Variants in SLC1A6 observed in about 807,000 individuals in gnomAD.
SLC1A6 encodes the protein excitatory amino acid transporter 4.
In SLC1A6, 15 loss-of-function variants were observed where a neutral mutation model predicts 42.1. That is an observed-to-expected ratio of 0.36 (90% CI 0.24 to 0.55). SLC1A6 has a LOEUF of 0.55. Among genes scored for constraint, SLC1A6 ranks in the 20% least tolerant of loss-of-function variants. The probability of loss-of-function intolerance (pLI) is 0.88; values close to 1 mark genes in which losing one functional copy is unlikely to be tolerated. For synonymous variants in SLC1A6, 317 were observed against 319.7 expected (o/e 0.99, Z 0.09); for missense variants, 542 against 772.5 (o/e 0.70, Z 3.54).
At chr19:14,964,240 G>T in intron 5 of SLC1A6, 79 bp downstream of exon 5, 1 of 1,210,442 alleles carries the variant, frequency 8.3e-7, no homozygotes, top group Non-Finnish European at 1.2e-6. Flanking sequence ...CCCGCCTCTT[G>T]CCCTTGGACC....
intron 1 of SLC1A6, among the ~76,000 whole-genome samples, chr19:14,998,485 G>A (rs993582695): frequency 5.3e-5 from 8 of 152,082 alleles, no homozygotes; most frequent in African/African-American, 7.2e-5. Flanking sequence ...AGGTTGCAGC[G>A]AGCCAAGATC....
intron 3 of SLC1A6, among the ~76,000 whole-genome samples, chr19:14,969,886 C>T (rs2045618021): frequency 6.6e-6 from 1 of 152,142 alleles, no homozygotes; most frequent in African/African-American, 2.4e-5. Flanking sequence ...ACAATTGACC[C>T]TTGAACAGCA....
At chr19:14,990,524 C>G (rs2045814286) in intron 1 of SLC1A6, among the ~76,000 whole-genome samples, 1 of 152,136 alleles carries the variant, frequency 6.6e-6, no homozygotes, top group African/African-American at 2.4e-5. Flanking sequence ...AGTCCCAGCA[C>G]TTTGGGAAGC....
chr19:14,987,755 C>T (rs1286016674), intron 1 of SLC1A6, among the ~76,000 whole-genome samples: 1 of 152,180 alleles, frequency 6.6e-6, no homozygotes, highest in Non-Finnish European at 1.5e-5. Flanking sequence ...GTATGTTCCA[C>T]AGCAGCTCAG....
At chr19:14,991,892 C>G in intron 1 of SLC1A6, among the ~76,000 whole-genome samples, 1 of 149,514 alleles carries the variant, frequency 6.7e-6, no homozygotes, top group African/African-American at 2.5e-5. Flanking sequence ...GTGGCGTGAT[C>G]TTGGCTCACT....
intron 1 of SLC1A6, among the ~76,000 whole-genome samples, chr19:14,989,265 A>T (rs34962409): frequency 0.66 from 99,957 of 150,778 alleles, 33,716 homozygotes; most frequent in African/African-American, 0.79. Context: ...AATCTATTTT[A>T]AAAAAAATTT....
At chr19:14,999,357 T>C (rs2045862568) in intron 1 of SLC1A6, among the ~76,000 whole-genome samples, 1 of 152,192 alleles carries the variant, frequency 6.6e-6, no homozygotes, top group Admixed American at 6.6e-5. Flanking sequence ...AATCCACCTA[T>C]GACCTGGAAG....
intron 6 of SLC1A6, among the ~76,000 whole-genome samples, chr19:14,957,392 A>G (rs1900684891): frequency 6.6e-6 from 1 of 152,016 alleles, no homozygotes; most frequent in African/African-American, 2.4e-5. Flanking sequence ...CTAACCCCCA[A>G]TGGGATAGTA....
At chr19:15,005,524 A>G (rs2045892228) in intron 1 of SLC1A6, among the ~76,000 whole-genome samples, 1 of 152,150 alleles carries the variant, frequency 6.6e-6, no homozygotes. Flanking sequence ...AAACAAAAAA[A>G]CAAAAAAACC....
chr19:14,957,605 T>A (rs112420713), intron 6 of SLC1A6, among the ~76,000 whole-genome samples: 6,300 of 152,268 alleles, frequency 0.041, 278 homozygotes, highest in African/African-American at 0.099. Context: ...TCCAGAGCTG[T>A]GCGAAATACA....
At chr19:14,956,819 AC>A in intron 6 of SLC1A6, 110 bp from the exon 7 acceptor site, 1 of 658,778 alleles carries the variant, frequency 1.5e-6, no homozygotes. Flanking sequence ...GCCACACAAT[AC>A]CCATGATACG....
At chr19:14,965,222 T>C in intron 4 of SLC1A6, among the ~76,000 whole-genome samples, 1 of 152,132 alleles carries the variant, frequency 6.6e-6, no homozygotes, top group East Asian at 1.9e-4. Context: ...GGTTTCACCA[T>C]GTTAGGCAGG....
chr19:14,994,766 C>T lies in SLC1A6; in HGVS notation c.6+15719G>A, dbSNP rs190512876. 1.1e-4 allele frequency among the ~76,000 whole-genome samples: 16 copies of T among 152,234 alleles called. No homozygotes were observed. The East Asian group carries it at 1.7e-3, about 17-fold the overall frequency. ...TTCTATTGCTTAAAAAGTTTGGGTG[C>T]GCCATCCTGAGTTTCTTTCTGTTCA... On this transcript the variant is annotated intron_variant, in intron 1 of 8. Transcript: ENST00000430939.
At chr19:14,954,494 G>A (rs944877364) in intron 7 of SLC1A6, among the ~76,000 whole-genome samples, 165 bp from the exon 8 acceptor site, 8 of 152,126 alleles carry the variant, frequency 5.3e-5, no homozygotes, top group African/African-American at 1.9e-4. Flanking sequence ...GGGTAGGGCT[G>A]GGTCACATGG....
chr19:14,966,876 G>C (rs182425312), intron 4 of SLC1A6, among the ~76,000 whole-genome samples: 3 of 152,060 alleles, frequency 2.0e-5, no homozygotes, highest in East Asian at 3.9e-4. Context: ...GGGCCTTTTG[G>C]GGGCTGTGGG....
At chr19:14,985,414 A>G (rs1244076286) in intron 1 of SLC1A6, among the ~76,000 whole-genome samples, 1 of 152,066 alleles carries the variant, frequency 6.6e-6, no homozygotes, top group Non-Finnish European at 1.5e-5. Context: ...GTAATGAGTG[A>G]GTTCTCACTC....
intron 3 of SLC1A6, among the ~76,000 whole-genome samples, chr19:14,971,423 C>T (rs142899503): frequency 6.6e-5 from 10 of 152,282 alleles, no homozygotes; most frequent in African/African-American, 2.4e-4. Context: ...CCCAGCCACC[C>T]TCCCTGGTTG....
At chr19:14,970,810 A>G (rs1291049450) in intron 3 of SLC1A6, among the ~76,000 whole-genome samples, 2 of 151,648 alleles carry the variant, frequency 1.3e-5, no homozygotes, top group South Asian at 2.1e-4. Context: ...ATAGTAGGCT[A>G]TTAGTAGTTA....
chr19:14,955,866 C>T (rs781669379), intron 7 of SLC1A6, among the ~76,000 whole-genome samples: 18 of 150,694 alleles, frequency 1.2e-4, no homozygotes, highest in Non-Finnish European at 2.4e-4. Context: ...ACCTAAGAGG[C>T]GGAGCTTGCA....
Sources: allele counts gnomAD v4.1 joint callset (sites outside exome capture counted in the v4.1 genomes callset), GRCh38; gene constraint gnomAD v4.1.1; transcripts MANE v1.5; gene names NCBI Gene and HGNC (gene_info 2026-07-23, HGNC 2026-07-21).